NFIA: variants seen among roughly 807,000 people sequenced by gnomAD.
NFIA encodes the protein nuclear factor I A.
A neutral mutation model predicts 62.8 loss-of-function variants in NFIA; 8 were observed. That is an observed-to-expected ratio of 0.13 (90% CI 0.07 to 0.23). The LOEUF (loss-of-function observed/expected upper bound fraction) is 0.23, where lower values mean the gene tolerates loss of function less well. NFIA is among the 10% of genes least tolerant of loss of function. The probability of loss-of-function intolerance (pLI) is 1.00; values close to 1 mark genes in which losing one functional copy is unlikely to be tolerated. For synonymous variants in NFIA, 235 were observed against 238.1 expected, an observed-to-expected ratio of 0.99 and a Z score of 0.12; for missense variants, 410 against 642.1, an observed-to-expected ratio of 0.64 and a Z score of 3.91.
chr1:61,259,915 A>G (rs879944690), intron 2 of NFIA, among the ~76,000 whole-genome samples: 5 of 152,200 alleles, frequency 3.3e-5, no homozygotes, highest in Non-Finnish European at 5.9e-5. Context: ...TGTTTTTGCA[A>G]TCCCAGTGGG....
At chr1:61,298,916 T>C (rs1659341666) in intron 3 of NFIA, among the ~76,000 whole-genome samples, 1 of 152,170 alleles carries the variant, frequency 6.6e-6, no homozygotes, top group African/African-American at 2.4e-5. Flanking sequence ...ACTTGGAAAA[T>C]AAGATCCTAT....
Position 61,406,710 on chromosome 1 carries a change from C to G in NFIA, c.1403C>G (p.Ala468Gly). ...PPTTSTEGGA[A>G]SPTSPTYSTP... ...ACCACGTCAACAGAAGGAGGTGCAG[C>G]CTCCCCCACGTCACCAAGTAAGTAT... Residue 468 changes from alanine to glycine, a missense_variant, in exon 9 of 11, where the codon GCC becomes GGC. Around this residue, in one of 3 missense-constraint regions of NFIA, gnomAD observed 298 missense variants for 438.1 expected, o/e 0.68. Coordinates refer to ENST00000403491, the MANE Select transcript of NFIA (RefSeq NM_001134673.4). The G allele has an allele frequency of 6.2e-7, 1 of 1,610,216 alleles. No homozygotes were observed. Among genetic ancestry groups the G allele is most frequent in the Non-Finnish European group, 8.5e-7 (1 of 1,178,258 alleles).
At chr1:61,127,700 T>C (rs1647000352) in intron 2 of NFIA, among the ~76,000 whole-genome samples, 1 of 152,172 alleles carries the variant, frequency 6.6e-6, no homozygotes, top group Non-Finnish European at 1.5e-5. Context: ...GAAAGAATAA[T>C]TATGCCCTTA....
chr1:61,283,161 A>G (rs992959512), intron 3 of NFIA, among the ~76,000 whole-genome samples: 2 of 152,256 alleles, frequency 1.3e-5, no homozygotes, highest in African/African-American at 4.8e-5. Flanking sequence ...CTAGGTGAAC[A>G]AGGAATGTAC....
At chr1:61,399,604 G>C (rs375973199) in intron 7 of NFIA, among the ~76,000 whole-genome samples, 12 of 152,324 alleles carry the variant, frequency 7.9e-5, no homozygotes, top group African/African-American at 2.9e-4. Flanking sequence ...AGTTATTAGA[G>C]TTCTTGGAGG....
intron 4 of NFIA, among the ~76,000 whole-genome samples, chr1:61,347,993 A>G (rs1314686833): frequency 6.6e-6 from 1 of 152,220 alleles, no homozygotes; most frequent in Non-Finnish European, 1.5e-5. Context: ...TGAGAATGAA[A>G]TTAAGTACAG....
chr1:61,094,097 A>G (rs954592406), intron 2 of NFIA, among the ~76,000 whole-genome samples: 1 of 152,252 alleles, frequency 6.6e-6, no homozygotes, highest in African/African-American at 2.4e-5. Context: ...GAAAAAACAT[A>G]AAATGCAGAT....
intron 2 of NFIA, among the ~76,000 whole-genome samples, chr1:61,152,554 T>C (rs1274627194): frequency 6.6e-6 from 1 of 152,236 alleles, no homozygotes; most frequent in Non-Finnish European, 1.5e-5. Flanking sequence ...TGTCAGTATT[T>C]CTATTATAAA....
chr1:61,424,465 C>T (rs980052087), intron 9 of NFIA, among the ~76,000 whole-genome samples: 48 of 152,016 alleles, frequency 3.2e-4, no homozygotes, highest in African/African-American at 7.3e-4. Context: ...GAGCAGCAGG[C>T]GAGTGCACAC....
chr1:61,443,643 A>G (rs1667684133), intron 10 of NFIA, among the ~76,000 whole-genome samples: 1 of 152,210 alleles, frequency 6.6e-6, no homozygotes, highest in African/African-American at 2.4e-5. Flanking sequence ...ACTCTTGAGC[A>G]TTGCCCTGAG....
intron 2 of NFIA, among the ~76,000 whole-genome samples, chr1:61,125,739 G>C (rs768794968): frequency 1.3e-5 from 2 of 152,188 alleles, no homozygotes; most frequent in Non-Finnish European, 2.9e-5. Context: ...AGCTGCTCAA[G>C]GAAGGGAGAT....
intron 9 of NFIA, among the ~76,000 whole-genome samples, chr1:61,419,609 C>T (rs943670868): frequency 6.6e-6 from 1 of 152,150 alleles, no homozygotes; most frequent in East Asian, 1.9e-4. Flanking sequence ...CCTTTCTATA[C>T]TTTTTACCCC....
At chr1:61,262,281 T>C (rs1656812709) in intron 2 of NFIA, among the ~76,000 whole-genome samples, 1 of 152,226 alleles carries the variant, frequency 6.6e-6, no homozygotes, top group Non-Finnish European at 1.5e-5. Context: ...TGAGGTTTCT[T>C]ACAGCATGAC....
chr1:61,424,807 G>T (rs1666794018), intron 9 of NFIA, among the ~76,000 whole-genome samples: 1 of 152,042 alleles, frequency 6.6e-6, no homozygotes, highest in African/African-American at 2.4e-5. Context: ...TGGGGTGAAT[G>T]GTACACTTAA....
intron 2 of NFIA, among the ~76,000 whole-genome samples, chr1:61,235,501 A>T (rs1348083284): frequency 2.8e-5 from 4 of 145,340 alleles, no homozygotes; most frequent in Non-Finnish European, 4.5e-5. Flanking sequence ...TAAATAAATA[A>T]ATAAAAATAA....
intron 2 of NFIA, among the ~76,000 whole-genome samples, chr1:61,177,184 A>G (rs532581139): frequency 5.6e-4 from 85 of 152,272 alleles, no homozygotes; most frequent in African/African-American, 2.0e-3. Context: ...AACCTTTCAA[A>G]TGCCCTACAG....
rs894288319 is a variant in NFIA at position 61,460,065 on chromosome 1, A to T, written c.*4745A>T. On this transcript the variant is annotated 3_prime_UTR_variant, in exon 11 of 11. Transcript: ENST00000403491. Reference sequence around the variant, plus strand: ...TAAGGAGAGCTTCAGTGGCACCTCAAAACCCACCCTTCGAGATCTGTCCAA... The same window carrying T: ...TAAGGAGAGCTTCAGTGGCACCTCATAACCCACCCTTCGAGATCTGTCCAA... The T allele has an allele frequency of 2.0e-5, 3 of 152,290 alleles. No individual in the cohort carries two copies. Among genetic ancestry groups the T allele is most frequent in the Admixed American group, 2.0e-4 (3 of 15,296 alleles). The allele number at this position is 152,290 out of a possible 1,614,324, so 9.4% of individuals were successfully genotyped here. A position where few individuals can be genotyped will look rare whatever the true frequency, so the allele number is the denominator to read the frequency against.
intron 2 of NFIA, among the ~76,000 whole-genome samples, chr1:61,132,397 T>C (rs1378023008): frequency 6.6e-6 from 1 of 152,190 alleles, no homozygotes; most frequent in Non-Finnish European, 1.5e-5. Flanking sequence ...ATTAATGTTA[T>C]GAAAACTGTT....
rs377488707 is a variant in NFIA at position 61,176,016 on chromosome 1, A to G, written c.559+87336A>G. ...AGCCAAGTTGCAGAGGATGAGTGGG[A>G]ATTGAGAGGCAAAGGGTTGGTGCAG... On this transcript the variant is annotated intron_variant, in intron 2 of 10. Coordinates refer to ENST00000403491, the MANE Select transcript of NFIA (RefSeq NM_001134673.4). Among the ~76,000 whole-genome samples, 167 of 152,286 alleles carry G rather than the reference A, an allele frequency of 1.1e-3. 2 individuals carry two copies. Among genetic ancestry groups the G allele is most frequent in the African/African-American group, 3.9e-3 (164 of 41,560 alleles).
Sources: allele counts gnomAD v4.1 joint callset (sites outside exome capture counted in the v4.1 genomes callset), GRCh38; gene constraint gnomAD v4.1.1; regional missense constraint gnomAD v4.1.1; transcripts MANE v1.5; gene names NCBI Gene and HGNC (gene_info 2026-07-23, HGNC 2026-07-21).